Variants in PDZRN4 observed in about 807,000 individuals in gnomAD.
The protein encoded by PDZRN4 is PDZ domain containing ring finger 4.
Under a neutral mutation model 99.0 loss-of-function variants are expected in PDZRN4, and 70 were observed. The ratio of observed to expected loss-of-function variants is 0.71; its 90% confidence interval spans 0.58 to 0.86. The LOEUF is 0.86. Among genes scored for constraint, PDZRN4 ranks in the 40% least tolerant of loss-of-function variants. The probability of loss-of-function intolerance (pLI) is 0.00; values close to 1 mark genes in which losing one functional copy is unlikely to be tolerated. For synonymous variants in PDZRN4, 551 were observed against 501.6 expected (o/e 1.10, Z -1.32); for missense variants, 1,474 against 1,331.2 (o/e 1.11, Z -1.67).
intron 3 of PDZRN4, among the ~76,000 whole-genome samples, chr12:41,443,577 A>G (rs993944671): frequency 2.0e-5 from 3 of 152,092 alleles, no homozygotes; most frequent in Non-Finnish European, 2.9e-5. Flanking sequence ...TTTGGGGCCA[A>G]TTGGGCTTGA....
intron 3 of PDZRN4, among the ~76,000 whole-genome samples, chr12:41,305,320 T>C (rs1472531179): frequency 6.6e-6 from 1 of 152,144 alleles, no homozygotes; most frequent in Non-Finnish European, 1.5e-5. Flanking sequence ...TGAGAAAACT[T>C]GGGAAGACTT....
intron 5 of PDZRN4, among the ~76,000 whole-genome samples, chr12:41,517,067 C>T (rs755639101): frequency 3.3e-5 from 5 of 152,044 alleles, no homozygotes; most frequent in South Asian, 2.1e-4. Context: ...TCTTACTGAA[C>T]GAAACAAGAT....
At chr12:41,471,165 C>T (rs1345127391) in intron 3 of PDZRN4, among the ~76,000 whole-genome samples, 7 of 152,254 alleles carry the variant, frequency 4.6e-5, no homozygotes, top group South Asian at 2.1e-4. Flanking sequence ...CAAAGCGCAC[C>T]GCTATGGCAG....
intron 3 of PDZRN4, among the ~76,000 whole-genome samples, chr12:41,214,075 C>T (rs1037469762): frequency 7.9e-5 from 12 of 151,670 alleles, no homozygotes; most frequent in Admixed American, 5.9e-4. Context: ...GCAGCTTGAT[C>T]AGAGACGTAG....
rs1203008747 is a variant in PDZRN4, at chr12:41,188,843, CG to C, written c.395del (p.Gly132AlafsTer96). 1.6e-5 allele frequency: 20 copies of C among 1,266,768 alleles called. 1 individual carries two copies. Among genetic ancestry groups the C allele is most frequent in the Middle Eastern group, 3.0e-4 (1 of 3,320 alleles). 78.5% of individuals were successfully genotyped at this position (1,266,768 alleles called of 1,614,324 possible). On this transcript the variant is annotated frameshift_variant, in exon 1 of 10. Transcript: ENST00000402685. LOFTEE classifies it high-confidence loss of function. The stretch of plus-strand genomic sequence containing the variant: ...GCTGGGCGGTGGTGAGGTGCCCGCG[CG>C]GGGGGGCTGCGGTCCGACACCCAGG... The part of the protein sequence containing the change: ...SGLGGGEVPA[R>X]GGCGPTPRAG...
At chr12:41,337,809 C>A (rs1482757045) in intron 3 of PDZRN4, among the ~76,000 whole-genome samples, 2 of 152,102 alleles carry the variant, frequency 1.3e-5, no homozygotes, top group Non-Finnish European at 2.9e-5. Flanking sequence ...ATCTTTGACA[C>A]CAATCCTCTT....
chr12:41,563,582 C>T lies in PDZRN4; in HGVS notation c.1400C>T (p.Ala467Val). The T allele has an allele frequency of 6.2e-7, 1 of 1,613,434 alleles. No homozygotes were observed. Among genetic ancestry groups the T allele is most frequent in the Non-Finnish European group, 8.5e-7 (1 of 1,179,488 alleles). Residue 467 changes from alanine (A) to valine (V), a missense_variant, in exon 8 of 10, where the codon GCA (alanine) becomes GTA (valine). Coordinates refer to ENST00000402685, the MANE Select transcript of PDZRN4 (RefSeq NM_001164595.2). ...GAAGATGTCCAGAATCGAGAAGAAGCAGTGGCCTTGCTGTCTAACGATGAG... is the reference window on the plus strand; with the variant it reads ...GAAGATGTCCAGAATCGAGAAGAAGTAGTGGCCTTGCTGTCTAACGATGAG... ...NGEDVQNREEAVALLSNDECK... is the reference protein window; with the variant it reads ...NGEDVQNREEVVALLSNDECK...
chr12:41,544,549 T>C (rs930654799), intron 5 of PDZRN4, among the ~76,000 whole-genome samples: 30 of 152,192 alleles, frequency 2.0e-4, no homozygotes, highest in African/African-American at 6.0e-4. Context: ...TTGTTTCATA[T>C]CTAATGCTGT....
chr12:41,536,599 A>C (rs546516314), intron 5 of PDZRN4, among the ~76,000 whole-genome samples: 1 of 152,260 alleles, frequency 6.6e-6, no homozygotes, highest in Non-Finnish European at 1.5e-5. Context: ...TGATGTGTTA[A>C]TGTAGTTTTA....
At chr12:41,218,218 T>C (rs1950933672) in intron 3 of PDZRN4, among the ~76,000 whole-genome samples, 1 of 152,146 alleles carries the variant, frequency 6.6e-6, no homozygotes, top group Admixed American at 6.6e-5. Flanking sequence ...TATATGACTC[T>C]GTACTCCTCT....
At chr12:41,501,263 G>T (rs1386605347) in intron 3 of PDZRN4, among the ~76,000 whole-genome samples, 2 of 152,112 alleles carry the variant, frequency 1.3e-5, no homozygotes, top group Non-Finnish European at 2.9e-5. Context: ...TCTAGAAATG[G>T]CTTCTCACTA....
rs1191114936 is a variant in PDZRN4 at position 41,301,987 on chromosome 12, T to C, written c.843+107799T>C. Among the ~76,000 whole-genome samples, 3 of 152,236 alleles carry C rather than the reference T, an allele frequency of 2.0e-5. No individual in the cohort carries two copies. In the South Asian group the frequency reaches 6.2e-4, roughly 32 times the overall value. On this transcript the variant is annotated intron_variant, in intron 3 of 9. Transcript: ENST00000402685. ...ATTTTAAATATCCATCCCAAGTCCA[T>C]AATATAGTATTGGTTAAATAAGCTT...
intron 3 of PDZRN4, among the ~76,000 whole-genome samples, chr12:41,336,197 C>T (rs1175897046): frequency 3.3e-5 from 5 of 152,052 alleles, no homozygotes; most frequent in Non-Finnish European, 7.4e-5. Context: ...AATCAATGAA[C>T]GGCTGATTCA....
At chr12:41,256,412 C>A (rs1205241366) in intron 3 of PDZRN4, among the ~76,000 whole-genome samples, 1 of 152,156 alleles carries the variant, frequency 6.6e-6, no homozygotes, top group Non-Finnish European at 1.5e-5. Context: ...CCTTTATCCT[C>A]TGAGATTATG....
chr12:41,277,251 TG>T lies in PDZRN4; in HGVS notation c.843+83066del, dbSNP rs1435127001. ...GGCAGAGTACGCAAGCATCTGAACT[TG>T]GGTACTAAAACCCTGCTTCCCATCA... On this transcript the variant is annotated intron_variant, in intron 3 of 9. Transcript: ENST00000402685. Among the ~76,000 whole-genome samples, 3 of 152,166 alleles carry T rather than the reference TG, an allele frequency of 2.0e-5. No individual in the cohort carries two copies. The East Asian group carries it at 5.8e-4, about 29-fold the overall frequency.
intron 4 of PDZRN4, among the ~76,000 whole-genome samples, chr12:41,507,908 T>C (rs1938235836): frequency 6.6e-6 from 1 of 152,084 alleles, no homozygotes; most frequent in Admixed American, 6.6e-5. Flanking sequence ...AGAGTTTATA[T>C]TCTACAAGGG....
At chr12:41,498,373 C>G (rs113298628) in intron 3 of PDZRN4, among the ~76,000 whole-genome samples, 1 of 152,080 alleles carries the variant, frequency 6.6e-6, no homozygotes, top group Admixed American at 6.6e-5. Context: ...ACATACTGGG[C>G]AATTTATAAT....
At chr12:41,242,706 G>T (rs117925093) in intron 3 of PDZRN4, among the ~76,000 whole-genome samples, 11 of 152,020 alleles carry the variant, frequency 7.2e-5, no homozygotes, top group East Asian at 1.9e-4. Flanking sequence ...GGCTGGCTTC[G>T]ATTTTTTTCT....
chr12:41,484,948 G>A (rs1937745760), intron 3 of PDZRN4, among the ~76,000 whole-genome samples: 1 of 152,030 alleles, frequency 6.6e-6, no homozygotes, highest in South Asian at 2.1e-4. Context: ...GTCCAAGGCT[G>A]GTCCTTACCA....
Sources: allele counts gnomAD v4.1 joint callset (sites outside exome capture counted in the v4.1 genomes callset), GRCh38; gene constraint gnomAD v4.1.1; transcripts MANE v1.5; gene names NCBI Gene and HGNC (gene_info 2026-07-23, HGNC 2026-07-21).